The following ADAM22 variants were observed in gnomAD, a reference collection of about 807,000 sequenced individuals.
ADAM22 encodes the protein disintegrin and metalloproteinase domain-containing protein 22.
A neutral mutation model predicts 144.6 loss-of-function variants in ADAM22; 65 were observed. The observed-to-expected ratio is 0.45, with a 90% CI of 0.37 to 0.55. ADAM22 has a LOEUF of 0.55. Ranked by LOEUF, ADAM22 falls within the 20% of genes least tolerant of loss-of-function variation. The pLI, the probability that ADAM22 is intolerant of heterozygous loss-of-function variation, is 0.00. For missense variants in ADAM22, 974 were observed against 1,184.9 expected, an observed-to-expected ratio of 0.82 and a Z score of 2.61; for synonymous variants, 391 against 412.6, an observed-to-expected ratio of 0.95 and a Z score of 0.63.
chr7:88,185,977 T>C (rs964147100), intron 29 of ADAM22: 2 of 152,304 alleles, frequency 1.3e-5, no homozygotes, highest in African/African-American at 4.8e-5. Flanking sequence ...AGCTTCAAGA[T>C]CATGGAGGCC....
chr7:88,064,724 T>C lies in ADAM22; in HGVS notation c.324-10902T>C, dbSNP rs141566464. 7.2e-5 allele frequency among the ~76,000 whole-genome samples: 11 copies of C among 152,254 alleles called. No individual in the cohort carries two copies. In the East Asian group the frequency reaches 2.1e-3, roughly 29 times the overall value. ...AGATTTTATAAAGGCACTAATCTGT[T>C]CTATGAGGGCAGAGCTTTCATGACC... On this transcript the variant is annotated intron_variant, in intron 3 of 31. Coordinates refer to ENST00000413139, the MANE Select transcript of ADAM22 (RefSeq NM_001324418.2).
At chr7:87,947,462 CTA>C (rs933095804) in intron 2 of ADAM22, among the ~76,000 whole-genome samples, 1 of 151,504 alleles carries the variant, frequency 6.6e-6, no homozygotes, top group Non-Finnish European at 1.5e-5. Flanking sequence ...AGAGGTAAGA[CTA>C]TGTCAAACCA....
At chr7:88,072,877 A>T (rs188226721) in intron 3 of ADAM22, among the ~76,000 whole-genome samples, 1 of 152,282 alleles carries the variant, frequency 6.6e-6, no homozygotes, top group Admixed American at 6.5e-5. Flanking sequence ...TTTTGGGTAA[A>T]CAGGGTGTGA....
At chr7:88,042,999 A>C (rs1459921278) in intron 3 of ADAM22, among the ~76,000 whole-genome samples, 1 of 151,678 alleles carries the variant, frequency 6.6e-6, no homozygotes, top group Non-Finnish European at 1.5e-5. Flanking sequence ...GGATGACACA[A>C]ACTTCCTTGC....
At chr7:88,104,733 T>C (rs981318362) in intron 4 of ADAM22, among the ~76,000 whole-genome samples, 15 of 152,074 alleles carry the variant, frequency 9.9e-5, no homozygotes, top group African/African-American at 3.6e-4. Flanking sequence ...TCACCATTAT[T>C]GCTAATAATT....
intron 5 of ADAM22, among the ~76,000 whole-genome samples, chr7:88,110,586 G>A (rs1438913301): frequency 6.6e-6 from 1 of 150,622 alleles, no homozygotes; most frequent in Non-Finnish European, 1.5e-5. Flanking sequence ...TTTAGGCCGG[G>A]CACGGTGGCT....
Position 88,145,480 on chromosome 7 carries a change from T to C in ADAM22, c.1458T>C (p.Ser486=), listed in dbSNP as rs1836108360. The C allele has an allele frequency of 6.2e-7, 1 of 1,613,688 alleles. No homozygotes were observed. Among genetic ancestry groups the C allele is most frequent in the South Asian group, 1.1e-5 (1 of 91,072 alleles). The change falls in exon 17 of 32, where the codon AGT becomes AGC. Residue 486 remains serine, a synonymous_variant. Coordinates refer to ENST00000413139, the MANE Select transcript of ADAM22 (RefSeq NM_001324418.2). ...CCTTGACTCAAGACTCTCAATGCAG[T>C]GACGGTCTTTGCTGTAAAAAGTGCA... The part of the protein sequence containing the change: ...KCTLTQDSQC[S]DGLCCKKCKF...
intron 2 of ADAM22, among the ~76,000 whole-genome samples, chr7:87,952,169 C>T (rs1248554837): frequency 1.3e-5 from 2 of 151,904 alleles, no homozygotes; most frequent in Non-Finnish European, 2.9e-5. Context: ...CCAGAACTTC[C>T]AACACTATGT....
rs922750154 is a variant in ADAM22 at position 88,125,665 on chromosome 7, T to A, written c.678+6T>A. 9 of 1,585,036 alleles carry A rather than the reference T, an allele frequency of 5.7e-6. No homozygotes were observed. In the African/African-American group the frequency reaches 1.2e-4, roughly 22 times the overall value. On this transcript the variant is annotated splice_donor_region_variant and intron_variant, in intron 8 of 31. Coordinates refer to ENST00000413139, the MANE Select transcript of ADAM22 (RefSeq NM_001324418.2). ...CAAAAAGGAGTAAACGGCAGGTATG[T>A]ATTCACAGTGGTGTGTCGTGTTATT...
intron 3 of ADAM22, among the ~76,000 whole-genome samples, chr7:88,000,584 A>G (rs1224310141): frequency 6.6e-6 from 1 of 152,178 alleles, no homozygotes; most frequent in Non-Finnish European, 1.5e-5. Context: ...TATAGCCACA[A>G]AGACAATATT....
intron 8 of ADAM22, among the ~76,000 whole-genome samples, chr7:88,127,039 C>A (rs982281120): frequency 2.0e-5 from 3 of 151,298 alleles, no homozygotes; most frequent in Non-Finnish European, 4.4e-5. Flanking sequence ...CTACTGTGAC[C>A]TTTATAAGTG....
chr7:88,177,440 A>AAAGAAT (rs1486994518), intron 26 of ADAM22, among the ~76,000 whole-genome samples: 1 of 152,148 alleles, frequency 6.6e-6, no homozygotes. Flanking sequence ...TGGGGAAAAG[A>AAAGAAT]AAGAATAACT....
At chr7:88,142,985 G>A in intron 14 of ADAM22, 41 bp from the exon 15 acceptor site, 1 of 1,257,742 alleles carries the variant, frequency 8.0e-7, no homozygotes, top group Non-Finnish European at 1.2e-6. Flanking sequence ...AAATGAGAAA[G>A]ATGAGTTGAA....
chr7:88,108,120 A>T (rs1824935497), intron 4 of ADAM22, 56 bp from the exon 5 acceptor site: 3 of 1,443,532 alleles, frequency 2.1e-6, no homozygotes, highest in South Asian at 2.4e-5. Flanking sequence ...CTGTGAAATG[A>T]AGCAGCTGAT....
At chr7:87,945,748 C>T (rs1418513382) in intron 2 of ADAM22, among the ~76,000 whole-genome samples, 5 of 152,132 alleles carry the variant, frequency 3.3e-5, no homozygotes, top group East Asian at 1.9e-4. Context: ...CTCCTGACCT[C>T]GTGATCCACC....
intron 4 of ADAM22, among the ~76,000 whole-genome samples, chr7:88,085,428 T>TA (rs1474682670): frequency 6.6e-6 from 1 of 152,090 alleles, no homozygotes; most frequent in East Asian, 1.9e-4. Flanking sequence ...AAAACATTTT[T>TA]AAAAAAGAGC....
chr7:88,089,271 A>G (rs1247846151), intron 4 of ADAM22, among the ~76,000 whole-genome samples: 1 of 152,158 alleles, frequency 6.6e-6, no homozygotes, highest in Non-Finnish European at 1.5e-5. Context: ...TATATATAAA[A>G]AAAGAAAAAA....
At chr7:88,133,611 C>T (rs1198187536) in intron 12 of ADAM22, among the ~76,000 whole-genome samples, 2 of 151,942 alleles carry the variant, frequency 1.3e-5, no homozygotes, top group African/African-American at 2.4e-5. Context: ...GAATGATTTT[C>T]CAGGGAATTG....
At chr7:88,022,184 C>T (rs1002188362) in intron 3 of ADAM22, among the ~76,000 whole-genome samples, 1 of 152,010 alleles carries the variant, frequency 6.6e-6, no homozygotes, top group African/African-American at 2.4e-5. Context: ...GCATGAACCA[C>T]CACTCTTGGC....
Sources: gnomAD v4.1 joint callset for allele counts (sites outside exome capture counted in the v4.1 genomes callset) on GRCh38, gnomAD v4.1.1 for gene constraint, MANE v1.5 for transcripts, NCBI Gene and HGNC (gene_info 2026-07-23, HGNC 2026-07-21) for gene names.